The following PPP2R5D variants were observed in gnomAD, a reference collection of about 807,000 sequenced individuals.
PPP2R5D encodes the protein serine/threonine-protein phosphatase 2A 56 kDa regulatory subunit delta isoform.
In PPP2R5D, 12 loss-of-function variants were observed where a neutral mutation model predicts 79.1. That is an observed-to-expected ratio of 0.15 (90% CI 0.10 to 0.25). PPP2R5D has a LOEUF of 0.25. Ranked by LOEUF, PPP2R5D falls within the 10% of genes least tolerant of loss-of-function variation. The pLI is 1.00. For synonymous variants in PPP2R5D, 277 were observed against 286.6 expected, an observed-to-expected ratio of 0.97 and a Z score of 0.34; for missense variants, 419 against 760.2, an observed-to-expected ratio of 0.55 and a Z score of 5.28.
intron 2 of PPP2R5D, among the ~76,000 whole-genome samples, chr6:42,998,895 C>A (rs1022423458): frequency 6.6e-6 from 1 of 152,102 alleles, no homozygotes; most frequent in African/African-American, 2.4e-5. Context: ...ATTAGCCAGG[C>A]CTAGTGGTGC....
At chr6:42,988,123 G>C (rs940767362) in intron 1 of PPP2R5D, among the ~76,000 whole-genome samples, 1 of 152,084 alleles carries the variant, frequency 6.6e-6, no homozygotes, top group Admixed American at 6.5e-5. Context: ...CCACCTCCAA[G>C]AAGCCTTCCC....
At chr6:42,990,675 C>T (rs370396906) in intron 2 of PPP2R5D, among the ~76,000 whole-genome samples, 2 of 144,738 alleles carry the variant, frequency 1.4e-5, no homozygotes, top group Admixed American at 6.9e-5. Flanking sequence ...ATTATTCTTT[C>T]CTCTGCACTT....
At position 43,012,224 on chromosome 6, in the gene PPP2R5D, G is replaced by C; in HGVS notation, c.*938G>C. ...CAGGTTCCAGGGGCGCAGGCAGTGC[G>C]GCTTTTGGCTGTGTACATAGGGTGC... is the stretch of plus-strand genomic sequence containing the variant. On this transcript the variant is annotated 3_prime_UTR_variant, in exon 16 of 16. Coordinates refer to ENST00000485511, the MANE Select transcript of PPP2R5D (RefSeq NM_006245.4). 8.5e-7 allele frequency: 1 copy of C among 1,180,888 alleles called. No individual in the cohort carries two copies. The highest frequency in any genetic ancestry group is 1.0e-6 in the Non-Finnish European group (1 of 953,784). 73.2% of individuals were successfully genotyped at this position (1,180,888 alleles called of 1,614,324 possible). A position where few individuals can be genotyped will look rare whatever the true frequency, so the allele number is the denominator to read the frequency against.
Position 42,984,724 on chromosome 6 carries a change from C to T in PPP2R5D, c.27+20C>T, listed in dbSNP as rs768736838. On this transcript the variant is annotated intron_variant, in intron 1 of 15. Transcript: ENST00000485511. ...GAGAAGGTGAGCGTGGCCCTTTTTC[C>T]CCCACCGCCGCCTTGGAGCCTGCGC... 1 of 1,611,694 alleles carries T rather than the reference C, an allele frequency of 6.2e-7. No individual in the cohort carries two copies.
intron 1 of PPP2R5D, among the ~76,000 whole-genome samples, chr6:42,984,925 C>T (rs1770718971): frequency 6.7e-6 from 1 of 148,960 alleles, no homozygotes; most frequent in Admixed American, 6.7e-5. Flanking sequence ...CCCCCACATA[C>T]ACCTCCCTCC....
At position 43,008,430 on chromosome 6, in the gene PPP2R5D, A is replaced by G; in HGVS notation, c.981A>G (p.Leu327=). Residue 327 remains leucine, a synonymous_variant, in exon 9 of 16, where the codon CTA becomes CTG. Coordinates refer to ENST00000485511, the MANE Select transcript of PPP2R5D (RefSeq NM_006245.4). The surrounding 1 kb of genome is among the most constrained non-coding windows in gnomAD (Gnocchi z 4.2). ...EEHKMFLIRV[L]LPLHKVKSLS... is the part of the protein sequence containing the mutation. ...ACAAGATGTTCCTCATCCGTGTCCT[A>G]CTTCCCCTTCACAAGGTCAAGTCCC... 1 of 1,614,058 alleles carries G rather than the reference A, an allele frequency of 6.2e-7. No homozygotes were observed. Among genetic ancestry groups the G allele is most frequent in the Non-Finnish European group, 8.5e-7 (1 of 1,179,956 alleles).
rs1256430493 is a variant in PPP2R5D at position 43,008,139 on chromosome 6, G to T, written c.858-62G>T. 6 of 1,613,894 alleles carry T rather than the reference G, an allele frequency of 3.7e-6. No individual in the cohort carries two copies. The highest frequency in any genetic ancestry group is 1.1e-5 in the South Asian group (1 of 91,046). ...TGGGGTGGGAGCAGGGAGGTGGGGG[G>T]ACTGTACAGAATGCTGGAGGGACAT... On this transcript the variant is annotated intron_variant, in intron 7 of 15. Coordinates refer to ENST00000485511, the MANE Select transcript of PPP2R5D (RefSeq NM_006245.4). The surrounding 1 kb of genome is among the most constrained non-coding windows in gnomAD (Gnocchi z 4.2).
At chr6:42,995,126 C>CTTTCTTTTTT (rs1437034798) in intron 2 of PPP2R5D, among the ~76,000 whole-genome samples, 1 of 106,366 alleles carries the variant, frequency 9.4e-6, no homozygotes, top group African/African-American at 4.2e-5. Flanking sequence ...CTTTTTCTTT[C>CTTTCTTTTTT]TTTTTTTTTT....
intron 2 of PPP2R5D, among the ~76,000 whole-genome samples, chr6:43,005,724 C>A (rs887124841): frequency 5.3e-5 from 8 of 151,824 alleles, no homozygotes; most frequent in African/African-American, 1.9e-4. Flanking sequence ...TGGGTTCAAG[C>A]GATTCTCCTG....
At chr6:42,997,608 C>G (rs1279021536) in intron 2 of PPP2R5D, among the ~76,000 whole-genome samples, 1 of 152,110 alleles carries the variant, frequency 6.6e-6, no homozygotes, top group Non-Finnish European at 1.5e-5. Context: ...CTCCCGGGTT[C>G]AAGCAATTCT....
chr6:43,006,760 T>G lies in PPP2R5D; in HGVS notation c.322+81T>G. ...TTGGTGGAATGGAAGTTTTGGGGTATTTTGCGGGGAAGGGAGTTCCAGAGA... is the reference window on the plus strand; with the variant it reads ...TTGGTGGAATGGAAGTTTTGGGGTAGTTTGCGGGGAAGGGAGTTCCAGAGA... On this transcript the variant is annotated intron_variant, in intron 3 of 15. Transcript: ENST00000485511. This position sits in a 1 kb window ranked among gnomAD's most constrained non-coding sequence, Gnocchi z 4.7. 1 of 1,580,134 alleles carries G rather than the reference T, an allele frequency of 6.3e-7. No homozygotes were observed. The highest frequency in any genetic ancestry group is 8.6e-7 in the Non-Finnish European group (1 of 1,160,414).
chr6:42,996,479 T>TA lies in PPP2R5D; in HGVS notation c.105+6801dup, dbSNP rs76721028. Among the ~76,000 whole-genome samples the TA allele has an allele frequency of 1.2e-3, 161 of 134,276 alleles. 2 individuals are homozygous for TA. Among genetic ancestry groups the TA allele is most frequent in the South Asian group, 6.3e-3 (27 of 4,252 alleles). The allele number at this position is 134,276 out of a possible 152,430, so 88.1% of individuals were successfully genotyped here. Reference sequence around the variant, plus strand: ...ACTCCGTCTCAAAAATAAAAAAAAATAAAAAAAAAATAAGGGCCAAAAAAG... The same window carrying TA: ...ACTCCGTCTCAAAAATAAAAAAAAATAAAAAAAAAAATAAGGGCCAAAAAAG... On this transcript the variant is annotated intron_variant, in intron 2 of 15. Transcript: ENST00000485511.
At chr6:42,986,586 G>C (rs1770868553) in intron 1 of PPP2R5D, among the ~76,000 whole-genome samples, 1 of 152,114 alleles carries the variant, frequency 6.6e-6, no homozygotes, top group Non-Finnish European at 1.5e-5. Context: ...GCCCCACCCA[G>C]GCCCTGTCCT....
chr6:42,984,811 C>T (rs1770703948), intron 1 of PPP2R5D, 107 bp downstream of exon 1: 1 of 1,518,918 alleles, frequency 6.6e-7, no homozygotes, highest in East Asian at 2.4e-5. Flanking sequence ...TCCCGTCCAG[C>T]CCCCGCAGGA....
chr6:42,984,844 C>T (rs1335647182), intron 1 of PPP2R5D, 140 bp downstream of exon 1: 1 of 1,351,690 alleles, frequency 7.4e-7, no homozygotes, highest in Non-Finnish European at 9.9e-7. Flanking sequence ...GCCCTCCGCC[C>T]CCGCGGCTGG....
intron 1 of PPP2R5D, among the ~76,000 whole-genome samples, chr6:42,985,977 A>G (rs1232486964): frequency 6.6e-6 from 1 of 152,044 alleles, no homozygotes; most frequent in Admixed American, 6.6e-5. Flanking sequence ...GGGTTTCTCC[A>G]TGTTGATCAG....
chr6:42,985,570 T>C (rs1770779505), intron 1 of PPP2R5D, among the ~76,000 whole-genome samples: 1 of 152,098 alleles, frequency 6.6e-6, no homozygotes, highest in South Asian at 2.1e-4. Context: ...CTCCTCACCC[T>C]TATTCTTAAT....
In PPP2R5D at chr6:43,002,320, C is replaced by T. The variant is rs141811867; in HGVS notation, c.106-4143C>T. Among the ~76,000 whole-genome samples, 642 of 152,216 alleles carry T rather than the reference C, an allele frequency of 4.2e-3. 1 individual carries two copies. Among genetic ancestry groups the T allele is most frequent in the African/African-American group, 0.014 (583 of 41,528 alleles). On this transcript the variant is annotated intron_variant, in intron 2 of 15. Coordinates refer to ENST00000485511, the MANE Select transcript of PPP2R5D (RefSeq NM_006245.4). ...CTGAGATTACAGGCACGTGCCACCA[C>T]GCCCAGCTAATTTTTTGTATCTTTA...
rs781379346 is a variant in PPP2R5D at position 43,008,955 on chromosome 6, A to C, written c.1081-102A>C. 7.0e-7 allele frequency: 1 copy of C among 1,419,224 alleles called. No homozygotes were observed. The highest frequency in any genetic ancestry group is 9.7e-7 in the Non-Finnish European group (1 of 1,029,276). 87.9% of individuals were successfully genotyped at this position (1,419,224 alleles called of 1,614,324 possible). A position where few individuals can be genotyped will look rare whatever the true frequency, so the allele number is the denominator to read the frequency against. On this transcript the variant is annotated intron_variant, in intron 10 of 15. Transcript: ENST00000485511. The surrounding 1 kb of genome is among the most constrained non-coding windows in gnomAD (Gnocchi z 4.2). The stretch of plus-strand genomic sequence containing the variant: ...ACGGGTAGCTGGCTGAGATCACCCA[A>C]ACTGTGCCCACCAGGGTGGGGGAGA...
Sources: gnomAD v4.1 joint callset for allele counts (sites outside exome capture counted in the v4.1 genomes callset) on GRCh38, gnomAD v4.1.1 for gene constraint, Gnocchi (gnomAD v3.1) non-coding constraint, MANE v1.5 for transcripts, NCBI Gene and HGNC (gene_info 2026-07-23, HGNC 2026-07-21) for gene names.